RASSF3: variants seen among roughly 807,000 people sequenced by gnomAD.
RASSF3 encodes the protein ras association domain-containing protein 3.
In RASSF3, 19 loss-of-function variants were observed where a neutral mutation model predicts 19.9. That is an observed-to-expected ratio of 0.96 (90% CI 0.67 to 1.40). The LOEUF (loss-of-function observed/expected upper bound fraction) is 1.40. RASSF3 is among the 40% of genes most tolerant of loss of function. The probability of loss-of-function intolerance (pLI) is 0.00; values close to 1 mark genes in which losing one functional copy is unlikely to be tolerated. For synonymous variants in RASSF3, 110 were observed against 104.2 expected, an observed-to-expected ratio of 1.06 and a Z score of -0.34; for missense variants, 306 against 289.8, an observed-to-expected ratio of 1.06 and a Z score of -0.41.
chr12:64,591,863 A>T (rs896844756), intron 2 of RASSF3, among the ~76,000 whole-genome samples: 3 of 150,938 alleles, frequency 2.0e-5, no homozygotes, highest in Non-Finnish European at 2.9e-5. Flanking sequence ...GTTTCCCTCT[A>T]TCCCCCTACA....
intron 4 of RASSF3, 88 bp from the exon 5 acceptor site, chr12:64,694,675 G>C: frequency 6.9e-7 from 1 of 1,452,594 alleles, no homozygotes; most frequent in Non-Finnish European, 9.5e-7. Flanking sequence ...GGGGAGGGCA[G>C]CCGCACCTCT....
intron 2 of RASSF3, among the ~76,000 whole-genome samples, chr12:64,602,734 A>G (rs1266743691): frequency 6.6e-6 from 1 of 152,042 alleles, no homozygotes; most frequent in Admixed American, 6.6e-5. Flanking sequence ...AATGAAAAAA[A>G]GAAAGAAAGA....
At chr12:64,622,842 A>T (rs1211804646) in intron 1 of RASSF3, among the ~76,000 whole-genome samples, 1 of 147,938 alleles carries the variant, frequency 6.8e-6, no homozygotes, top group Non-Finnish European at 1.5e-5. Flanking sequence ...TTTTTTTGAG[A>T]TGGAGTCTTG....
At position 64,615,355 on chromosome 12, in the gene RASSF3, A is replaced by T. The variant is rs547067581; in HGVS notation, c.111+4612A>T. 2.6e-5 allele frequency among the ~76,000 whole-genome samples: 4 copies of T among 152,340 alleles called. No individual in the cohort carries two copies. In the East Asian group the frequency reaches 7.7e-4, roughly 29 times the overall value. On this transcript the variant is annotated intron_variant, in intron 1 of 4. Coordinates refer to ENST00000542104, the MANE Select transcript of RASSF3 (RefSeq NM_178169.4). ...GAGACAGTATTTTTGCTTTAGAAGT[A>T]GGGTAGTCAAGAAGTCTTGAGAAAC...
In RASSF3 at chr12:64,586,491, G is replaced by GAAAAAA. The variant is rs10708538; in HGVS notation, c.294+44805_294+44810dup. ...AGCAACAGAGCAAGACTCCTTCTCA[G>GAAAAAA]AAAAAAAAAAAAAAAAAAAAAAAAG... is the stretch of plus-strand genomic sequence containing the variant. On this transcript the variant is annotated intron_variant, in intron 2 of 5. Transcript: ENST00000637125. Among the ~76,000 whole-genome samples, 38 of 70,136 alleles carry GAAAAAA rather than the reference G, an allele frequency of 5.4e-4. 3 individuals are homozygous for GAAAAAA. The highest frequency in any genetic ancestry group is 2.0e-3 in the African/African-American group (34 of 17,092). 46.0% of individuals were successfully genotyped at this position (70,136 alleles called of 152,430 possible).
chr12:64,578,990 G>A (rs1274034258), intron 2 of RASSF3, among the ~76,000 whole-genome samples: 1 of 152,146 alleles, frequency 6.6e-6, no homozygotes, highest in Non-Finnish European at 1.5e-5. Flanking sequence ...AGCTGGGTGT[G>A]GTGGCGCATG....
chr12:64,542,693 CA>C (rs1868953681), downstream of RASSF3, among the ~76,000 whole-genome samples: 1 of 152,214 alleles, frequency 6.6e-6, no homozygotes, highest in Non-Finnish European at 1.5e-5. Flanking sequence ...AATTCAAGAC[CA>C]GCCTGAGCAA....
At chr12:64,580,735 C>T (rs1869681055) in intron 2 of RASSF3, among the ~76,000 whole-genome samples, 1 of 152,084 alleles carries the variant, frequency 6.6e-6, no homozygotes, top group South Asian at 2.1e-4. Flanking sequence ...CAATCCTTGG[C>T]ATCCCTGGCT....
downstream of RASSF3, among the ~76,000 whole-genome samples, chr12:64,544,547 G>A (rs144662758): frequency 4.6e-5 from 7 of 152,020 alleles, no homozygotes; most frequent in East Asian, 1.2e-3. Context: ...AGCTGGCAAG[G>A]TTAAGGCTGC....
At chr12:64,642,561 A>C (rs1399196626) in intron 1 of RASSF3, among the ~76,000 whole-genome samples, 1 of 40,470 alleles carries the variant, frequency 2.5e-5, no homozygotes. Context: ...CTCCATCTCA[A>C]AAAAAAAAAA....
chr12:64,590,993 C>T (rs553330791), intron 2 of RASSF3, among the ~76,000 whole-genome samples: 2 of 152,278 alleles, frequency 1.3e-5, no homozygotes, highest in South Asian at 4.1e-4. Context: ...TGAAATACCT[C>T]TCAATGACAC....
chr12:64,656,555 T>C (rs1288435620), intron 1 of RASSF3, among the ~76,000 whole-genome samples: 5 of 152,206 alleles, frequency 3.3e-5, no homozygotes, highest in African/African-American at 1.2e-4. Flanking sequence ...GCAGTTGCAG[T>C]GAAAGATAAA....
chr12:64,561,086 G>C (rs992268459), intron 2 of RASSF3, among the ~76,000 whole-genome samples: 1 of 152,202 alleles, frequency 6.6e-6, no homozygotes, highest in South Asian at 2.1e-4. Flanking sequence ...TAGAAAGGGC[G>C]TTCTGTAAAT....
chr12:64,663,840 CTTTTTTTTTTT>C (rs34450092), intron 1 of RASSF3, among the ~76,000 whole-genome samples: 14 of 73,084 alleles, frequency 1.9e-4, no homozygotes, highest in African/African-American at 5.9e-4. Context: ...TTAGCCTTGC[CTTTTTTTTTTT>C]TTTTTTTTTT....
chr12:64,513,866 T>G (rs1478068329), intron 1 of RASSF3, among the ~76,000 whole-genome samples: 2 of 151,954 alleles, frequency 1.3e-5, no homozygotes, highest in Non-Finnish European at 2.9e-5. Context: ...GGGTGGAATT[T>G]AAGGTTTTGT....
intron 1 of RASSF3, among the ~76,000 whole-genome samples, chr12:64,624,746 G>T (rs750327258): frequency 4.6e-5 from 7 of 152,078 alleles, no homozygotes; most frequent in African/African-American, 1.7e-4. Context: ...TGCAAGCTCT[G>T]CCTCCTGGGT....
At chr12:64,541,353 T>A (rs749070880) in intron 1 of RASSF3, among the ~76,000 whole-genome samples, 7 of 152,184 alleles carry the variant, frequency 4.6e-5, no homozygotes, top group South Asian at 2.1e-4. Context: ...CCTGTCTTTG[T>A]GAAAGATATT....
intron 2 of RASSF3, among the ~76,000 whole-genome samples, chr12:64,594,083 A>G (rs1054215778): frequency 6.6e-6 from 1 of 151,634 alleles, no homozygotes; most frequent in African/African-American, 2.4e-5. Context: ...CTGTGATCAT[A>G]ACACTTTGGG....
At chr12:64,564,606 T>G (rs951340855) in intron 2 of RASSF3, among the ~76,000 whole-genome samples, 1 of 152,104 alleles carries the variant, frequency 6.6e-6, no homozygotes, top group African/African-American at 2.4e-5. Flanking sequence ...GGTCTCAAAC[T>G]TCCGACCTCA....
Sources: allele counts gnomAD v4.1 joint callset (sites outside exome capture counted in the v4.1 genomes callset), GRCh38; gene constraint gnomAD v4.1.1; transcripts MANE v1.5; gene names NCBI Gene and HGNC (gene_info 2026-07-23, HGNC 2026-07-21).